BLACAT1: variants seen among roughly 807,000 people sequenced by gnomAD.
BLACAT1 encodes the protein bladder cancer associated transcript 1.
intron 1 of BLACAT1, among the ~76,000 whole-genome samples, chr1:205,446,200 T>C (rs1475577107): frequency 6.6e-6 from 1 of 152,210 alleles, no homozygotes; most frequent in African/African-American, 2.4e-5. Flanking sequence ...CAATCACATA[T>C]CTTCTCCAGG....
chr1:205,444,518 T>G (rs1273704419), intron 1 of BLACAT1, among the ~76,000 whole-genome samples: 2 of 152,030 alleles, frequency 1.3e-5, no homozygotes, highest in East Asian at 3.9e-4. Flanking sequence ...TGCCAGATAC[T>G]CTCCTGGGGT....
At chr1:205,452,713 G>T (rs1011568144) in intron 1 of BLACAT1, among the ~76,000 whole-genome samples, 1 of 152,154 alleles carries the variant, frequency 6.6e-6, no homozygotes, top group Non-Finnish European at 1.5e-5. Flanking sequence ...CCTTTGCAGG[G>T]ACTTAGAGCT....
downstream of BLACAT1, chr1:205,436,752 C>T (rs1666214792): frequency 6.6e-6 from 1 of 152,328 alleles, no homozygotes; most frequent in South Asian, 2.1e-4. Flanking sequence ...AGGAGGAACA[C>T]CAGACTTCCT....
In BLACAT1 at chr1:205,444,653, G is replaced by A. The variant is rs1474574035; in HGVS notation, c.-36-3591C>T. Among the ~76,000 whole-genome samples the A allele has an allele frequency of 3.3e-5, 5 of 152,058 alleles. No homozygotes were observed. The South Asian group carries it at 1.0e-3, about 32-fold the overall frequency. On this transcript the variant is annotated intron_variant, in intron 1 of 1. Coordinates refer to ENST00000629624, the Ensembl canonical transcript of BLACAT1. Reference sequence around the variant, plus strand: ...GAAAGTAAGATAAAGAGAAATCCAGGGCCCCAGGCTTGCAGACCACAAACT... The same window carrying A: ...GAAAGTAAGATAAAGAGAAATCCAGAGCCCCAGGCTTGCAGACCACAAACT...
At chr1:205,447,207 G>C (rs143893447) in intron 1 of BLACAT1, among the ~76,000 whole-genome samples, 1 of 152,192 alleles carries the variant, frequency 6.6e-6, no homozygotes, top group Non-Finnish European at 1.5e-5. Flanking sequence ...CCATATGAAC[G>C]TGGGCCAATT....
Position 205,448,207 on chromosome 1 carries a change from C to T in BLACAT1, c.-36-7145G>A, listed in dbSNP as rs1224574719. On this transcript the variant is annotated intron_variant, in intron 1 of 1. Coordinates refer to ENST00000629624, the Ensembl canonical transcript of BLACAT1. This position sits in a 1 kb window ranked among gnomAD's most constrained non-coding sequence, Gnocchi z 4.7. ...GCCCCGATCCCAGGTTACCAGATCCCGTGATGCCCCACCCCCAAGCAAAGC... is the reference window on the plus strand; with the variant it reads ...GCCCCGATCCCAGGTTACCAGATCCTGTGATGCCCCACCCCCAAGCAAAGC... The T allele has an allele frequency of 8.8e-6, 4 of 455,476 alleles. No individual in the cohort carries two copies. Among genetic ancestry groups the T allele is most frequent in the South Asian group, 1.6e-5 (1 of 61,782 alleles). The allele number at this position is 455,476 out of a possible 1,614,324, so 28.2% of individuals were successfully genotyped here.
At position 205,450,189 on chromosome 1, in the gene BLACAT1, A is replaced by T. The variant is rs1269967672; in HGVS notation, c.-37+5728T>A. ...CTTGGGCCTGAGTAACAAAGGTCTCATTGAGCCTCTGGCTGTCTGGTCGGT... is the reference window on the plus strand; with the variant it reads ...CTTGGGCCTGAGTAACAAAGGTCTCTTTGAGCCTCTGGCTGTCTGGTCGGT... On this transcript the variant is annotated intron_variant, in intron 1 of 1. Transcript: ENST00000629624. This position sits in a 1 kb window ranked among gnomAD's most constrained non-coding sequence, Gnocchi z 4.4. Among the ~76,000 whole-genome samples the T allele has an allele frequency of 6.6e-6, 1 of 151,996 alleles. No homozygotes were observed. The highest frequency in any genetic ancestry group is 1.5e-5 in the Non-Finnish European group (1 of 67,980).
At position 205,448,596 on chromosome 1, in the gene BLACAT1, T is replaced by A. The variant is rs1191308643; in HGVS notation, c.-37+7321A>T. On this transcript the variant is annotated intron_variant, in intron 1 of 1. Transcript: ENST00000629624. This position sits in a 1 kb window ranked among gnomAD's most constrained non-coding sequence, Gnocchi z 4.7. ...ATCCCAGTAATGAGTTTCCAGTTCTTGCCCTACAAAGGCCTCACACAATGG... is the reference window on the plus strand; with the variant it reads ...ATCCCAGTAATGAGTTTCCAGTTCTAGCCCTACAAAGGCCTCACACAATGG... Among the ~76,000 whole-genome samples the A allele has an allele frequency of 6.6e-6, 1 of 152,166 alleles. No individual in the cohort carries two copies. Among genetic ancestry groups the A allele is most frequent in the Non-Finnish European group, 1.5e-5 (1 of 68,024 alleles).
intron 1 of BLACAT1, among the ~76,000 whole-genome samples, chr1:205,445,029 A>C (rs1211999250): frequency 6.6e-6 from 1 of 152,048 alleles, no homozygotes; most frequent in Non-Finnish European, 1.5e-5. Context: ...TTAAAATATG[A>C]ATTCACCTTC....
In BLACAT1 at chr1:205,448,911, G is replaced by T. The variant is rs1298020999; in HGVS notation, c.-37+7006C>A. Among the ~76,000 whole-genome samples the T allele has an allele frequency of 6.6e-6, 1 of 152,198 alleles. No individual in the cohort carries two copies. The highest frequency in any genetic ancestry group is 2.4e-5 in the African/African-American group (1 of 41,464). ...GATGAGGACCTACCCTTTGTTTAGA[G>T]GGGTTAAATAGGTTTCTTGAGTGCC... On this transcript the variant is annotated intron_variant, in intron 1 of 1. Transcript: ENST00000629624. The surrounding 1 kb of genome is among the most constrained non-coding windows in gnomAD (Gnocchi z 4.7).
downstream of BLACAT1, among the ~76,000 whole-genome samples, chr1:205,439,340 G>T (rs563612299): frequency 1.2e-4 from 18 of 152,328 alleles, no homozygotes; most frequent in African/African-American, 4.3e-4. Context: ...CTAGGAGGTA[G>T]GGGCAAAGGA....
intron 1 of BLACAT1, among the ~76,000 whole-genome samples, chr1:205,449,399 A>G (rs1348920371): frequency 6.6e-6 from 1 of 152,022 alleles, no homozygotes; most frequent in Non-Finnish European, 1.5e-5. Flanking sequence ...GGGGCCCCCA[A>G]GAAGATGGTA....
chr1:205,445,815 C>T (rs1666379538), intron 1 of BLACAT1, among the ~76,000 whole-genome samples: 1 of 152,186 alleles, frequency 6.6e-6, no homozygotes, highest in Non-Finnish European at 1.5e-5. Flanking sequence ...CAGAATGAAC[C>T]CCAAAGGTCA....
chr1:205,443,763 T>G (rs533988773), intron 1 of BLACAT1, among the ~76,000 whole-genome samples: 1 of 152,316 alleles, frequency 6.6e-6, no homozygotes, highest in African/African-American at 2.4e-5. Context: ...GGGCTCTGTC[T>G]GCAGCATGCA....
rs1666435561 is a variant in BLACAT1, at chr1:205,448,184, C to T, written c.-36-7122G>A. 2.3e-6 allele frequency: 1 copy of T among 434,712 alleles called. No homozygotes were observed. The highest frequency in any genetic ancestry group is 2.5e-5 in the Admixed American group (1 of 40,356). The allele number at this position is 434,712 out of a possible 1,614,324, so 26.9% of individuals were successfully genotyped here. A position where few individuals can be genotyped will look rare whatever the true frequency, so the allele number is the denominator to read the frequency against. On this transcript the variant is annotated intron_variant, in intron 1 of 1. Transcript: ENST00000629624. This position sits in a 1 kb window ranked among gnomAD's most constrained non-coding sequence, Gnocchi z 4.7. ...CTGGGCCAAGGTCACACGGCTTAGC[C>T]CCGATCCCAGGTTACCAGATCCCGT...
intron 1 of BLACAT1, among the ~76,000 whole-genome samples, chr1:205,455,368 T>A (rs1465669995): frequency 2.0e-5 from 3 of 152,016 alleles, no homozygotes; most frequent in Non-Finnish European, 4.4e-5. Flanking sequence ...TATACTGGAG[T>A]TGGTGGTTTG....
Position 205,450,652 on chromosome 1 carries a change from A to G in BLACAT1, c.-37+5265T>C, listed in dbSNP as rs910907770. 1.3e-5 allele frequency among the ~76,000 whole-genome samples: 2 copies of G among 152,034 alleles called. 1 individual carries two copies. Among genetic ancestry groups the G allele is most frequent in the Non-Finnish European group, 2.9e-5 (2 of 68,000 alleles). On this transcript the variant is annotated intron_variant, in intron 1 of 1. Transcript: ENST00000629624. The surrounding 1 kb of genome is among the most constrained non-coding windows in gnomAD (Gnocchi z 4.4). ...TTCCCAGCCATAGCCTGCCAATCCC[A>G]GCTGCCTATCCCTGGGCACATGAAG... is the stretch of plus-strand genomic sequence containing the variant.
chr1:205,437,936 A>T (rs1666235147), downstream of BLACAT1: 1 of 152,004 alleles, frequency 6.6e-6, no homozygotes, highest in Non-Finnish European at 1.5e-5. Context: ...TTTTTTCCTA[A>T]AAATAACAAT....
At chr1:205,444,459 C>T (rs1012796420) in intron 1 of BLACAT1, among the ~76,000 whole-genome samples, 4 of 152,054 alleles carry the variant, frequency 2.6e-5, no homozygotes, top group African/African-American at 4.8e-5. Context: ...GGAGGTTCCT[C>T]GGCCTCCCTG....
Sources: allele counts gnomAD v4.1 joint callset (sites outside exome capture counted in the v4.1 genomes callset), GRCh38; gene constraint gnomAD v4.1.1; non-coding constraint Gnocchi (gnomAD v3.1); transcripts MANE v1.5; gene names NCBI Gene and HGNC (gene_info 2026-07-23, HGNC 2026-07-21).